The following BBS9 variants were observed in gnomAD, a reference collection of about 807,000 sequenced individuals.
BBS9 encodes protein PTHB1.
Under a neutral mutation model 117.7 loss-of-function variants are expected in BBS9, and 89 were observed. That is an observed-to-expected ratio of 0.76 (90% CI 0.64 to 0.90). BBS9 has a LOEUF of 0.90. BBS9 is among the 40% of genes least tolerant of loss of function. BBS9 has a pLI of 0.00. For missense variants in BBS9, 982 were observed against 1,042.2 expected, an observed-to-expected ratio of 0.94 and a Z score of 0.80; for synonymous variants, 379 against 370.9, an observed-to-expected ratio of 1.02 and a Z score of -0.25.
chr7:33,357,236 A>G (rs1258381688), intron 15 of BBS9, among the ~76,000 whole-genome samples: 1 of 151,804 alleles, frequency 6.6e-6, no homozygotes, highest in Admixed American at 6.6e-5. Context: ...ACTTAAAGTG[A>G]TATGTAAAGT....
chr7:33,383,308 A>G (rs1214525047), intron 17 of BBS9, among the ~76,000 whole-genome samples: 1 of 152,226 alleles, frequency 6.6e-6, no homozygotes, highest in Non-Finnish European at 1.5e-5. Flanking sequence ...GATACTAATG[A>G]TAACAAATTG....
At chr7:33,184,371 A>G (rs1249409116) in intron 5 of BBS9, among the ~76,000 whole-genome samples, 1 of 152,226 alleles carries the variant, frequency 6.6e-6, no homozygotes, top group Non-Finnish European at 1.5e-5. Flanking sequence ...CACAGCCATC[A>G]GCAAAGAGCG....
chr7:33,137,231 C>G (rs183835310), intron 1 of BBS9, among the ~76,000 whole-genome samples: 2 of 152,308 alleles, frequency 1.3e-5, no homozygotes, highest in Non-Finnish European at 2.9e-5. Context: ...TCGGCTTCAA[C>G]TTTGGTTCGA....
At chr7:33,146,758 A>G (rs1242673860) in intron 2 of BBS9, among the ~76,000 whole-genome samples, 2 of 150,810 alleles carry the variant, frequency 1.3e-5, no homozygotes, top group Non-Finnish European at 3.0e-5. Flanking sequence ...TGTACTTTTT[A>G]GAACTTAATT....
intron 5 of BBS9, among the ~76,000 whole-genome samples, chr7:33,191,948 T>TA (rs879731779): frequency 0.01 from 1,440 of 140,982 alleles, 24 homozygotes; most frequent in African/African-American, 0.032. Flanking sequence ...TATGTACCGG[T>TA]AAAAAAAAAA....
intron 4 of BBS9, among the ~76,000 whole-genome samples, chr7:33,159,678 A>G (rs1794569305): frequency 6.6e-6 from 1 of 152,216 alleles, no homozygotes; most frequent in African/African-American, 2.4e-5. Flanking sequence ...TTCTGGTCTC[A>G]GGATGTCATT....
At chr7:33,480,966 C>T (rs1008347190) in intron 19 of BBS9, among the ~76,000 whole-genome samples, 1 of 152,074 alleles carries the variant, frequency 6.6e-6, no homozygotes, top group African/African-American at 2.4e-5. Context: ...TTCCCCTTCA[C>T]CTTCTGCCGT....
intron 21 of BBS9, among the ~76,000 whole-genome samples, chr7:33,592,110 C>T (rs184781498): frequency 8.5e-5 from 13 of 152,050 alleles, no homozygotes; most frequent in Non-Finnish European, 1.9e-4. Flanking sequence ...TTTACCTGAG[C>T]GTTTTTTAGA....
chr7:33,539,800 A>C (rs1563327678), intron 21 of BBS9, among the ~76,000 whole-genome samples: 1 of 152,222 alleles, frequency 6.6e-6, no homozygotes, highest in Non-Finnish European at 1.5e-5. Flanking sequence ...TTCTCCAGTA[A>C]CACTTTAACT....
intron 5 of BBS9, among the ~76,000 whole-genome samples, chr7:33,226,286 T>C (rs560238321): frequency 6.6e-6 from 1 of 152,324 alleles, no homozygotes; most frequent in East Asian, 1.9e-4. Flanking sequence ...TTTAATGGCT[T>C]TTTGATCATT....
chr7:33,453,928 A>T (rs150492411), intron 19 of BBS9, among the ~76,000 whole-genome samples: 18 of 152,354 alleles, frequency 1.2e-4, no homozygotes, highest in Middle Eastern at 3.4e-3. Context: ...TCAGGTCAAG[A>T]GTAAGCAATT....
chr7:33,208,750 TA>T (rs1289487260), intron 5 of BBS9, among the ~76,000 whole-genome samples: 4 of 151,914 alleles, frequency 2.6e-5, no homozygotes, highest in Admixed American at 1.3e-4. Context: ...TCTAGGAGGG[TA>T]GGGGGAAGTG....
At chr7:33,411,271 C>T (rs954247342) in intron 19 of BBS9, among the ~76,000 whole-genome samples, 6 of 151,950 alleles carry the variant, frequency 3.9e-5, no homozygotes, top group South Asian at 2.1e-4. Flanking sequence ...ATCCCACATC[C>T]GAAACTAATT....
At chr7:33,243,162 T>C (rs1794813747) in intron 5 of BBS9, among the ~76,000 whole-genome samples, 1 of 152,236 alleles carries the variant, frequency 6.6e-6, no homozygotes, top group Non-Finnish European at 1.5e-5. Context: ...AATGTATTCA[T>C]AGATTGCTAC....
intron 21 of BBS9, among the ~76,000 whole-genome samples, chr7:33,583,233 C>T (rs970698538): frequency 2.0e-5 from 3 of 152,006 alleles, no homozygotes; most frequent in Non-Finnish European, 2.9e-5. Flanking sequence ...TACCCTTTCT[C>T]CCTATTTTTA....
chr7:33,194,641 T>C (rs1784657672), intron 5 of BBS9, among the ~76,000 whole-genome samples: 1 of 152,222 alleles, frequency 6.6e-6, no homozygotes, highest in Admixed American at 6.5e-5. Context: ...TACAGATTAA[T>C]TTCATTGTAT....
chr7:33,611,989 A>G (rs1344596793), intron 21 of BBS9, among the ~76,000 whole-genome samples: 2 of 151,100 alleles, frequency 1.3e-5, no homozygotes, highest in Admixed American at 6.6e-5. Flanking sequence ...CCCTCCCATC[A>G]GTTGCATGTA....
chr7:33,401,291 T>C (rs1828875252), intron 19 of BBS9, among the ~76,000 whole-genome samples: 1 of 152,240 alleles, frequency 6.6e-6, no homozygotes, highest in East Asian at 1.9e-4. Flanking sequence ...TCCATCTTTT[T>C]TCCCACTTTT....
At chr7:33,436,273 G>A (rs560826822) in intron 19 of BBS9, among the ~76,000 whole-genome samples, 4 of 152,288 alleles carry the variant, frequency 2.6e-5, no homozygotes, top group African/African-American at 9.6e-5. Context: ...TATTGCTGGT[G>A]ATGTGAACTT....
Sources: gnomAD v4.1 joint callset for allele counts (sites outside exome capture counted in the v4.1 genomes callset) on GRCh38, gnomAD v4.1.1 for gene constraint, MANE v1.5 for transcripts, NCBI Gene and HGNC (gene_info 2026-07-23, HGNC 2026-07-21) for gene names.